VEPH1: variants seen among roughly 807,000 people sequenced by gnomAD.
The protein encoded by VEPH1 is ventricular zone expressed PH domain containing 1.
In VEPH1, 80 loss-of-function variants were observed where a neutral mutation model predicts 85.2. That is an observed-to-expected ratio of 0.94 (90% CI 0.78 to 1.13). VEPH1 has a LOEUF of 1.13. Ranked by LOEUF, VEPH1 falls within the 50% of genes most tolerant of loss-of-function variation. VEPH1 has a pLI of 0.00. For synonymous variants in VEPH1, 297 were observed against 348.0 expected (o/e 0.85, Z 1.63); for missense variants, 955 against 980.5 (o/e 0.97, Z 0.35).
chr3:157,359,647 G>A (rs1484184591), intron 9 of VEPH1, among the ~76,000 whole-genome samples: 1 of 152,142 alleles, frequency 6.6e-6, no homozygotes, highest in African/African-American at 2.4e-5. Context: ...TGGCTGACTG[G>A]AGTTATGAAT....
At chr3:157,457,208 T>A (rs1191082700) in intron 4 of VEPH1, among the ~76,000 whole-genome samples, 1 of 152,180 alleles carries the variant, frequency 6.6e-6, no homozygotes, top group Non-Finnish European at 1.5e-5. Context: ...GGAGTGCTAG[T>A]GACTTTTGTA....
chr3:157,459,881 G>C, intron 4 of VEPH1: 1 of 1,537,158 alleles, frequency 6.5e-7, no homozygotes, highest in Non-Finnish European at 8.7e-7. Flanking sequence ...CTCCACAGTT[G>C]GTAGTTGAAC....
chr3:157,305,915 T>C (rs954184357), intron 11 of VEPH1, among the ~76,000 whole-genome samples: 3 of 152,216 alleles, frequency 2.0e-5, no homozygotes, highest in Non-Finnish European at 2.9e-5. Flanking sequence ...CTTATAGTAG[T>C]AGCTTAAGGA....
chr3:157,303,898 C>T (rs1303597589), intron 11 of VEPH1, among the ~76,000 whole-genome samples: 1 of 151,732 alleles, frequency 6.6e-6, no homozygotes, highest in East Asian at 1.9e-4. Flanking sequence ...CCTTTCCCCT[C>T]TAGCTTGCCC....
chr3:157,405,109 C>A (rs1285381202), intron 6 of VEPH1, among the ~76,000 whole-genome samples: 1 of 152,088 alleles, frequency 6.6e-6, no homozygotes, highest in African/African-American at 2.4e-5. Context: ...TCTGCGGGGA[C>A]CAGGCTGCCG....
chr3:157,501,472 A>G (rs529576063), intron 1 of VEPH1, among the ~76,000 whole-genome samples: 69 of 152,310 alleles, frequency 4.5e-4, no homozygotes, highest in African/African-American at 1.5e-3. Context: ...TCCCGTGTTT[A>G]TTAGTGAGAA....
At chr3:157,359,382 A>C (rs1465881511) in intron 9 of VEPH1, among the ~76,000 whole-genome samples, 1 of 152,218 alleles carries the variant, frequency 6.6e-6, no homozygotes, top group Non-Finnish European at 1.5e-5. Flanking sequence ...GTGATATTAG[A>C]CCATTGCTCT....
At chr3:157,463,159 G>A (rs1000180454) in intron 3 of VEPH1, among the ~76,000 whole-genome samples, 12 of 152,156 alleles carry the variant, frequency 7.9e-5, no homozygotes, top group African/African-American at 1.9e-4. Flanking sequence ...TAAATATCTT[G>A]CACTTAAGCA....
chr3:157,436,179 AG>A (rs1358606375), intron 4 of VEPH1, among the ~76,000 whole-genome samples: 3 of 152,074 alleles, frequency 2.0e-5, no homozygotes, highest in Non-Finnish European at 4.4e-5. Flanking sequence ...TGGGAAGCTG[AG>A]GTAGGAGAAT....
intron 12 of VEPH1, among the ~76,000 whole-genome samples, chr3:157,279,794 G>A (rs1279667767): frequency 6.6e-6 from 1 of 152,072 alleles, no homozygotes; most frequent in African/African-American, 2.4e-5. Flanking sequence ...GAGGCGGGCG[G>A]ATCACGAGGT....
At chr3:157,447,892 GC>G (rs1734670941) in intron 4 of VEPH1, among the ~76,000 whole-genome samples, 1 of 152,112 alleles carries the variant, frequency 6.6e-6, no homozygotes. Context: ...ACAGCGCCTA[GC>G]CTGCCTCCAG....
chr3:157,293,424 TC>T (rs1717767991), intron 11 of VEPH1, among the ~76,000 whole-genome samples: 1 of 152,212 alleles, frequency 6.6e-6, no homozygotes. Flanking sequence ...TATACTTCTA[TC>T]CTTTGAGTCC....
intron 9 of VEPH1, among the ~76,000 whole-genome samples, chr3:157,324,680 T>C (rs1721706777): frequency 6.6e-6 from 1 of 152,006 alleles, no homozygotes; most frequent in African/African-American, 2.4e-5. Context: ...TTTTTTTTTT[T>C]ATGGCCACAT....
At chr3:157,437,364 A>G (rs1051633105) in intron 4 of VEPH1, 6 of 988,736 alleles carry the variant, frequency 6.1e-6, no homozygotes, top group African/African-American at 4.9e-5. Context: ...TGAGACATTT[A>G]CATGCTGTTT....
At position 157,336,105 on chromosome 3, in the gene VEPH1, G is replaced by A. The variant is rs149669276; in HGVS notation, c.1736-18904C>T. On this transcript the variant is annotated intron_variant, in intron 9 of 13. Coordinates refer to ENST00000362010, the MANE Select transcript of VEPH1 (RefSeq NM_001167912.2). The stretch of plus-strand genomic sequence containing the variant: ...TACTAAGAGTGACTGAAAATACTGC[G>A]AATATTTCCTTTGGGTCTTAGAAAG... 1.1e-3 allele frequency among the ~76,000 whole-genome samples: 168 copies of A among 152,280 alleles called. 1 individual carries two copies. The highest frequency in any genetic ancestry group is 2.9e-3 in the African/African-American group (121 of 41,572).
At chr3:157,357,931 A>C (rs1047184649) in intron 9 of VEPH1, among the ~76,000 whole-genome samples, 1 of 152,170 alleles carries the variant, frequency 6.6e-6, no homozygotes, top group African/African-American at 2.4e-5. Context: ...GAAGTTTGCA[A>C]CATGTTAAGT....
intron 7 of VEPH1, among the ~76,000 whole-genome samples, chr3:157,366,001 G>A (rs1726651163): frequency 1.3e-5 from 2 of 152,150 alleles, no homozygotes; most frequent in South Asian, 4.1e-4. Context: ...TAGAGAATGG[G>A]GCTGAAAGTT....
intron 4 of VEPH1, among the ~76,000 whole-genome samples, chr3:157,449,238 T>C (rs1477012926): frequency 6.6e-6 from 1 of 152,222 alleles, no homozygotes; most frequent in Non-Finnish European, 1.5e-5. Flanking sequence ...AGTTTAGTTG[T>C]TTAGTATTAA....
At chr3:157,470,576 A>T in intron 2 of VEPH1, 47 bp from the exon 3 acceptor site, 2 of 1,587,342 alleles carry the variant, frequency 1.3e-6, no homozygotes, top group Non-Finnish European at 1.7e-6. Flanking sequence ...CTAGAAAGTT[A>T]TCCTTCAAAG....
Sources: gnomAD v4.1 joint callset for allele counts (sites outside exome capture counted in the v4.1 genomes callset) on GRCh38, gnomAD v4.1.1 for gene constraint, MANE v1.5 for transcripts, NCBI Gene and HGNC (gene_info 2026-07-23, HGNC 2026-07-21) for gene names.